Variants in DLG3 observed in about 807,000 individuals in gnomAD.
DLG3 encodes the protein discs large MAGUK scaffold protein 3.
In DLG3, 1 loss-of-function variant was observed where a neutral mutation model predicts 64.1. That is an observed-to-expected ratio of 0.02 (90% CI 0.01 to 0.07). DLG3 has a LOEUF of 0.07. Among genes scored for constraint, DLG3 ranks in the 10% least tolerant of loss-of-function variants. The pLI is 1.00. For missense variants in DLG3, 429 were observed against 669.5 expected, an observed-to-expected ratio of 0.64 and a Z score of 3.96; for synonymous variants, 245 against 259.8, an observed-to-expected ratio of 0.94 and a Z score of 0.55.
At chrX:70,450,900 T>C in intron 6 of DLG3, 117 bp downstream of exon 6, 1 of 955,807 alleles carries the variant, frequency 1.0e-6, no homozygotes, top group Non-Finnish European at 1.5e-6. Flanking sequence ...GTGGTGGCAC[T>C]GTAGCAGCCA....
chrX:70,492,404 C>T, intron 11 of DLG3, 117 bp from the exon 12 acceptor site: 8 of 1,106,429 alleles, frequency 7.2e-6, no homozygotes, highest in Non-Finnish European at 8.7e-6. Context: ...TTGGTAGAGT[C>T]GGTACTCAAC....
At chrX:70,495,355 C>T (rs1569294419) in intron 12 of DLG3, 53 bp from the exon 13 acceptor site, 4 of 1,115,072 alleles carry the variant, frequency 3.6e-6, no homozygotes, top group East Asian at 3.0e-5. Flanking sequence ...CCTTCCCCTT[C>T]CCCCCTCTTC....
intron 9 of DLG3, among the ~76,000 whole-genome samples, chrX:70,469,776 A>G (rs2086940909): frequency 8.9e-6 from 1 of 111,772 alleles, no homozygotes; most frequent in South Asian, 3.8e-4. Flanking sequence ...TATGAACCAT[A>G]GTGTGAAGGT....
intron 7 of DLG3, chrX:70,452,864 CCGA>C: frequency 2.5e-6 from 2 of 787,934 alleles, no homozygotes; most frequent in Non-Finnish European, 3.5e-6. Context: ...TTGGGCTCCT[CCGA>C]GGAAAGATGC....
At position 70,492,518 on chromosome X, in the gene DLG3, C is replaced by T; in HGVS notation, c.1698-3C>T. On this transcript the variant is annotated splice_polypyrimidine_tract_variant and splice_region_variant and intron_variant, in intron 11 of 18. Transcript: ENST00000374360. ...ACAGGACTTCTTTCTGATTCCAAAA[C>T]AGGGTGGAAAAGAAAGAAAGAGCTC... The T allele has an allele frequency of 1.7e-6, 2 of 1,209,994 alleles. No individual in the cohort carries two copies. Among genetic ancestry groups the T allele is most frequent in the Non-Finnish European group, 2.2e-6 (2 of 894,371 alleles).
chrX:70,483,844 C>T (rs1008293857), intron 10 of DLG3, among the ~76,000 whole-genome samples: 7 of 112,306 alleles, frequency 6.2e-5, no homozygotes, highest in East Asian at 2.8e-4. Context: ...AGTAGATGAC[C>T]GGGATAAGCA....
intron 7 of DLG3, 118 bp from the exon 8 acceptor site, chrX:70,453,519 A>T: frequency 9.4e-7 from 1 of 1,064,971 alleles, no homozygotes. Flanking sequence ...AGGGTATCAT[A>T]CATAGGGAAC....
intron 9 of DLG3, among the ~76,000 whole-genome samples, chrX:70,455,451 C>T (rs755335546): frequency 8.3e-5 from 9 of 108,670 alleles, no homozygotes; most frequent in African/African-American, 2.4e-4. Context: ...GCGCGGGGCT[C>T]AGCGCCCCCT....
chrX:70,461,574 CTT>C (rs66468617), intron 9 of DLG3, among the ~76,000 whole-genome samples: 29 of 100,889 alleles, frequency 2.9e-4, no homozygotes, highest in African/African-American at 5.0e-4. Context: ...AGGGCCCCCC[CTT>C]TTTTTTTTTT....
chrX:70,445,254 G>C lies in DLG3; in HGVS notation c.53G>C (p.Arg18Pro), dbSNP rs1482530043. The part of the protein sequence containing the change: ...CKCPECYEVT[R>P]LAALRRLEPP... ...TGCCCTGAGTGCTATGAGGTGACCC[G>C]CCTGGCCGCCCTGCGGCGCCTCGAG... Residue 18 changes from arginine (R) to proline (P), a missense_variant, in exon 1 of 19, where the codon CGC (arginine) becomes CCC (proline). Arg to Pro is a moderately radical substitution (Grantham distance 103). Coordinates refer to ENST00000374360, the MANE Select transcript of DLG3 (RefSeq NM_021120.4). 8.6e-7 allele frequency: 1 copy of C among 1,163,512 alleles called. No individual in the cohort carries two copies. The highest frequency in any genetic ancestry group is 1.1e-6 in the Non-Finnish European group (1 of 872,874).
chrX:70,481,114 T>C (rs750327811), intron 10 of DLG3, among the ~76,000 whole-genome samples: 73 of 112,415 alleles, frequency 6.5e-4, no homozygotes, highest in Non-Finnish European at 1.2e-3. Flanking sequence ...TAATGTCTTA[T>C]GGCTAAAGCA....
At chrX:70,496,456 C>T (rs2087456830) in intron 13 of DLG3, among the ~76,000 whole-genome samples, 2 of 112,793 alleles carry the variant, frequency 1.8e-5, no homozygotes, top group Non-Finnish European at 3.8e-5. Context: ...AGCGCTGCTC[C>T]TCCGCCTGAG....
At chrX:70,446,273 G>A (rs1936126627) in intron 1 of DLG3, among the ~76,000 whole-genome samples, 1 of 110,803 alleles carries the variant, frequency 9.0e-6, no homozygotes, top group African/African-American at 3.3e-5. Flanking sequence ...GTGAGTGTGT[G>A]TTTGTATGTG....
intron 7 of DLG3, 113 bp from the exon 8 acceptor site, chrX:70,453,524 G>T: frequency 9.2e-7 from 1 of 1,088,282 alleles, no homozygotes; most frequent in South Asian, 2.1e-5. Context: ...ATCATACATA[G>T]GGAACCACGT....
At chrX:70,501,553 T>G (rs2087564057) in intron 18 of DLG3, among the ~76,000 whole-genome samples, 1 of 111,140 alleles carries the variant, frequency 9.0e-6, no homozygotes, top group East Asian at 2.8e-4. Flanking sequence ...CCGAATCCAT[T>G]CTAGCTGGTG....
At chrX:70,483,645 G>A (rs916207765) in intron 10 of DLG3, among the ~76,000 whole-genome samples, 10 of 112,675 alleles carry the variant, frequency 8.9e-5, no homozygotes, top group African/African-American at 3.2e-4. Flanking sequence ...TGCAACAGAG[G>A]CTCTAACAGG....
intron 9 of DLG3, among the ~76,000 whole-genome samples, chrX:70,470,932 C>G (rs2086958787): frequency 9.0e-6 from 1 of 111,320 alleles, no homozygotes; most frequent in Non-Finnish European, 1.9e-5. Context: ...CTTGAAACCT[C>G]TGACATGTTA....
intron 9 of DLG3, among the ~76,000 whole-genome samples, chrX:70,478,454 G>C (rs780238863): frequency 6.3e-5 from 7 of 111,570 alleles, no homozygotes; most frequent in Non-Finnish European, 1.1e-4. Flanking sequence ...GGTGAGAGGT[G>C]TCAGCCGACT....
intron 9 of DLG3, among the ~76,000 whole-genome samples, chrX:70,477,553 G>C (rs999886455): frequency 9.0e-6 from 1 of 111,279 alleles, no homozygotes; most frequent in Non-Finnish European, 1.9e-5. Context: ...ATGGCTTGCC[G>C]TGTAACCCTC....
Sources: gnomAD v4.1 joint callset for allele counts (sites outside exome capture counted in the v4.1 genomes callset) on GRCh38, gnomAD v4.1.1 for gene constraint, MANE v1.5 for transcripts, NCBI Gene and HGNC (gene_info 2026-07-23, HGNC 2026-07-21) for gene names.